Variants in DUSP14 observed in about 807,000 individuals in gnomAD.
DUSP14 encodes dual specificity protein phosphatase 14.
In DUSP14, 5 loss-of-function variants were observed where a neutral mutation model predicts 13.2. The observed-to-expected ratio is 0.38, with a 90% CI of 0.20 to 0.80. The LOEUF is 0.80. Ranked by LOEUF, DUSP14 falls within the 30% of genes least tolerant of loss-of-function variation. The pLI, the probability that DUSP14 is intolerant of heterozygous loss-of-function variation, is 0.44. For synonymous variants in DUSP14, 91 were observed against 103.4 expected (o/e 0.88, Z 0.73); for missense variants, 185 against 264.0 (o/e 0.70, Z 2.07).
chr17:37,489,578 C>T (rs994731951), upstream of DUSP14, among the ~76,000 whole-genome samples: 1 of 152,088 alleles, frequency 6.6e-6, no homozygotes, highest in African/African-American at 2.4e-5. Context: ...GCCTCGAGCC[C>T]GGCTCATACG....
chr17:37,491,402 G>A (rs1217775704), intron 1 of DUSP14: 3 of 152,294 alleles, frequency 2.0e-5, no homozygotes, highest in African/African-American at 7.2e-5. Context: ...CCACGAGGAG[G>A]TAGGAAGGAG....
chr17:37,507,194 G>A (rs1025181497), intron 1 of DUSP14, among the ~76,000 whole-genome samples: 11 of 152,162 alleles, frequency 7.2e-5, no homozygotes, highest in Non-Finnish European at 1.5e-4. Flanking sequence ...CCCTCTACGT[G>A]CCCTCTGGCG....
Position 37,512,358 on chromosome 17 carries a change from A to G in DUSP14, c.86A>G (p.Gln29Arg), listed in dbSNP as rs1357438605. 6.2e-7 allele frequency: 1 copy of G among 1,614,088 alleles called. No homozygotes were observed. Among genetic ancestry groups the G allele is most frequent in the Non-Finnish European group, 8.5e-7 (1 of 1,180,008 alleles). ...GAGGGAGACATAGGAGGCATTGCTC[A>G]AATCACCTCCTCTCTATTCCTGGGC... ...ISEGDIGGIA[Q>R]ITSSLFLGRG... Residue 29 changes from glutamine to arginine, a missense_variant, in exon 3 of 3, where the codon CAA becomes CGA. By Grantham distance (43) the Gln-to-Arg change is conservative. Coordinates refer to ENST00000617516, the MANE Select transcript of DUSP14 (RefSeq NM_007026.4). This position sits in a 1 kb window ranked among gnomAD's most constrained non-coding sequence, Gnocchi z 4.8.
chr17:37,489,383 C>G (rs549982272), upstream of DUSP14, among the ~76,000 whole-genome samples: 1 of 152,150 alleles, frequency 6.6e-6, no homozygotes, highest in Non-Finnish European at 1.5e-5. Context: ...GGAACTGCCG[C>G]GCTACTGATT....
intron 1 of DUSP14, among the ~76,000 whole-genome samples, chr17:37,505,923 G>A (rs896433689): frequency 2.0e-5 from 3 of 152,020 alleles, no homozygotes; most frequent in Non-Finnish European, 2.9e-5. Flanking sequence ...CTTAGTGTTC[G>A]ATGCTTATTA....
At chr17:37,509,322 G>GT (rs2054167632) in intron 1 of DUSP14, among the ~76,000 whole-genome samples, 1 of 111,956 alleles carries the variant, frequency 8.9e-6, no homozygotes, top group African/African-American at 3.5e-5. Context: ...GTGTGTGTGT[G>GT]TGTTTAGTTT....
At chr17:37,509,280 TATATATATATATATATAG>T (rs1208047151) in intron 1 of DUSP14, among the ~76,000 whole-genome samples, 1 of 40,670 alleles carries the variant, frequency 2.5e-5, no homozygotes, top group African/African-American at 1.2e-4. Context: ...TATATATATA[TATATATATATATATATAG>T]TGTGTGTGTG....
chr17:37,513,492 T>TAACA lies in DUSP14; in HGVS notation c.*624_*627dup, dbSNP rs1012734227. ...ATTATTTTTAATAAATCTATATGCT[T>TAACA]AACATATTAGAATTTTTACTAATAA... On this transcript the variant is annotated 3_prime_UTR_variant, in exon 3 of 3. Coordinates refer to ENST00000617516, the MANE Select transcript of DUSP14 (RefSeq NM_007026.4). The TAACA allele has an allele frequency of 3.0e-5, 5 of 167,004 alleles. No individual in the cohort carries two copies. Among genetic ancestry groups the TAACA allele is most frequent in the African/African-American group, 1.2e-4 (5 of 41,452 alleles). The allele number at this position is 167,004 out of a possible 1,614,324, so 10.3% of individuals were successfully genotyped here.
chr17:37,489,935 C>T lies in DUSP14; in HGVS notation c.-204C>T, dbSNP rs1568197198. 7.1e-6 allele frequency: 1 copy of T among 140,742 alleles called. No individual in the cohort carries two copies. Among genetic ancestry groups the T allele is most frequent in the Admixed American group, 6.9e-5 (1 of 14,414 alleles). The allele number at this position is 140,742 out of a possible 1,614,324, so 8.7% of individuals were successfully genotyped here. ...CAGGAGGACGGAGCCCTAACCGCAACCCGCTCCGCGCCGCGCCGCGCCGGT... is the reference window on the plus strand; with the variant it reads ...CAGGAGGACGGAGCCCTAACCGCAATCCGCTCCGCGCCGCGCCGCGCCGGT... On this transcript the variant is annotated 5_prime_UTR_variant, in exon 1 of 3. Transcript: ENST00000617516.
chr17:37,490,679 A>G (rs901669187), intron 1 of DUSP14, among the ~76,000 whole-genome samples: 1 of 151,510 alleles, frequency 6.6e-6, no homozygotes, highest in Non-Finnish European at 1.5e-5. Context: ...CGACTTACAA[A>G]TGCAGTTTTA....
intron 1 of DUSP14, among the ~76,000 whole-genome samples, chr17:37,503,134 C>CACTGTAGGG (rs1372300052): frequency 6.6e-6 from 1 of 152,110 alleles, no homozygotes; most frequent in Non-Finnish European, 1.5e-5. Context: ...GTCAAGATTA[C>CACTGTAGGG]ACTGTAGGGT....
intron 1 of DUSP14, among the ~76,000 whole-genome samples, chr17:37,495,436 T>G (rs1463560544): frequency 6.6e-6 from 1 of 152,186 alleles, no homozygotes; most frequent in Non-Finnish European, 1.5e-5. Context: ...CCAGAACAGT[T>G]TCAGCATCAA....
intron 1 of DUSP14, chr17:37,510,348 CAT>C (rs2054174854): frequency 6.6e-6 from 1 of 152,288 alleles, no homozygotes; most frequent in South Asian, 2.1e-4. Flanking sequence ...GTTGTGTCCT[CAT>C]AGCCCACCGA....
chr17:37,496,419 A>AC (rs148234892), intron 1 of DUSP14, among the ~76,000 whole-genome samples: 7,362 of 152,010 alleles, frequency 0.048, 243 homozygotes, highest in Middle Eastern at 0.082. Context: ...GACTAGCCTG[A>AC]CCAACATGGT....
intron 1 of DUSP14, among the ~76,000 whole-genome samples, chr17:37,499,142 G>A (rs117957474): frequency 0.029 from 4,441 of 152,076 alleles, 91 homozygotes; most frequent in Non-Finnish European, 0.042. Context: ...TGCAGGCAGG[G>A]GAAATGCCAG....
At chr17:37,500,274 C>A (rs2054096707) in intron 1 of DUSP14, among the ~76,000 whole-genome samples, 1 of 152,178 alleles carries the variant, frequency 6.6e-6, no homozygotes, top group Non-Finnish European at 1.5e-5. Context: ...GTAAGGAAGT[C>A]CTCATAGGGT....
intron 1 of DUSP14, among the ~76,000 whole-genome samples, chr17:37,497,095 A>G (rs2143064326): frequency 6.6e-6 from 1 of 151,978 alleles, no homozygotes; most frequent in South Asian, 2.1e-4. Flanking sequence ...AACCACTCCC[A>G]TGAATTTGGT....
rs368180019 is a variant in DUSP14 at position 37,509,123 on chromosome 17, A to G, written c.-180-1554A>G. Among the ~76,000 whole-genome samples, 39 of 28,462 alleles carry G rather than the reference A, an allele frequency of 1.4e-3. 1 individual carries two copies. Among genetic ancestry groups the G allele is most frequent in the East Asian group, 7.9e-3 (3 of 378 alleles). 18.7% of individuals were successfully genotyped at this position (28,462 alleles called of 152,430 possible). A position where few individuals can be genotyped will look rare whatever the true frequency, so the allele number is the denominator to read the frequency against. The stretch of plus-strand genomic sequence containing the variant: ...AAAACCCATATATATATATATATAT[A>G]TATATACACACACACACACACACAC... On this transcript the variant is annotated intron_variant, in intron 1 of 2. Transcript: ENST00000617516.
At chr17:37,492,161 T>C (rs909548998) in intron 1 of DUSP14, among the ~76,000 whole-genome samples, 4 of 152,228 alleles carry the variant, frequency 2.6e-5, no homozygotes, top group Non-Finnish European at 4.4e-5. Flanking sequence ...AAATTACCCC[T>C]TTTAAACAAC....
Sources: gnomAD v4.1 joint callset for allele counts (sites outside exome capture counted in the v4.1 genomes callset) on GRCh38, gnomAD v4.1.1 for gene constraint, Gnocchi (gnomAD v3.1) non-coding constraint, MANE v1.5 for transcripts, NCBI Gene and HGNC (gene_info 2026-07-23, HGNC 2026-07-21) for gene names.